Variants in NME7 observed in about 807,000 individuals in gnomAD.
NME7 encodes nucleoside diphosphate kinase 7.
NME7 carries 41 observed loss-of-function variants against 49.1 expected under a neutral mutation model. That is an observed-to-expected ratio of 0.83 (90% CI 0.65 to 1.08). The LOEUF is 1.08. Ranked by LOEUF, NME7 falls within the 50% of genes least tolerant of loss-of-function variation. The pLI, the probability that NME7 is intolerant of heterozygous loss-of-function variation, is 0.00. For missense variants in NME7, 423 were observed against 463.4 expected (o/e 0.91, Z 0.80); for synonymous variants, 139 against 150.6 (o/e 0.92, Z 0.56).
Position 169,132,694 on chromosome 1 carries a change from C to CA in NME7, c.*90dup. ...GATCTTGTATTCAGTCAGGTTAAAACAACGGACAATAAAAGAATGAACACA... is the reference window on the plus strand; with the variant it reads ...GATCTTGTATTCAGTCAGGTTAAAACAAACGGACAATAAAAGAATGAACACA... On this transcript the variant is annotated 3_prime_UTR_variant, in exon 12 of 12. Transcript: ENST00000367811. 1 of 1,250,794 alleles carries CA rather than the reference C, an allele frequency of 8.0e-7. No individual in the cohort carries two copies. Among genetic ancestry groups the CA allele is most frequent in the Admixed American group, 1.9e-5 (1 of 53,910 alleles). 77.5% of individuals were successfully genotyped at this position (1,250,794 alleles called of 1,614,324 possible).
chr1:169,287,516 T>A (rs1459822810), intron 6 of NME7, 108 bp from the exon 7 acceptor site: 1 of 825,384 alleles, frequency 1.2e-6, no homozygotes, highest in Non-Finnish European at 1.8e-6. Flanking sequence ...AGTTTCATCA[T>A]ATAAATTTTT....
chr1:169,363,180 A>G (rs1653723282), intron 1 of NME7, among the ~76,000 whole-genome samples: 1 of 152,168 alleles, frequency 6.6e-6, no homozygotes, highest in African/African-American at 2.4e-5. Flanking sequence ...TTGAGGCTGC[A>G]GTGAGCCATG....
chr1:169,353,037 G>C (rs943536519), intron 1 of NME7, among the ~76,000 whole-genome samples: 2 of 150,150 alleles, frequency 1.3e-5, no homozygotes, highest in African/African-American at 4.8e-5. Context: ...TCAAAGAGTA[G>C]AAATAGAAAA....
chr1:169,252,268 T>C (rs1313344212), intron 7 of NME7, among the ~76,000 whole-genome samples: 1 of 151,780 alleles, frequency 6.6e-6, no homozygotes, highest in Non-Finnish European at 1.5e-5. Context: ...TGGTGTGAGA[T>C]GGTATCTCAT....
chr1:169,302,901 G>GT (rs1156517234), intron 5 of NME7, among the ~76,000 whole-genome samples: 18 of 152,052 alleles, frequency 1.2e-4, no homozygotes, highest in African/African-American at 4.1e-4. Flanking sequence ...TATCCTTCTT[G>GT]TAATGTAAAC....
At position 169,259,022 on chromosome 1, in the gene NME7, A is replaced by G. The variant is rs1337155591; in HGVS notation, c.755-21335T>C. ...GTCTCTGAGAACAACAAAGCATCAC[A>G]ACTACTCCTTTGGCCATGGAAAAGG... is the stretch of plus-strand genomic sequence containing the variant. On this transcript the variant is annotated intron_variant, in intron 7 of 11. Coordinates refer to ENST00000367811, the MANE Select transcript of NME7 (RefSeq NM_013330.5). Among the ~76,000 whole-genome samples, 5 of 134,074 alleles carry G rather than the reference A, an allele frequency of 3.7e-5. 1 individual carries two copies. The East Asian group carries it at 7.9e-4, about 21-fold the overall frequency. 88.0% of individuals were successfully genotyped at this position (134,074 alleles called of 152,430 possible). A position where few individuals can be genotyped will look rare whatever the true frequency, so the allele number is the denominator to read the frequency against.
chr1:169,144,988 A>C (rs191523034), intron 11 of NME7, among the ~76,000 whole-genome samples: 285 of 152,314 alleles, frequency 1.9e-3, no homozygotes, highest in African/African-American at 6.6e-3. Context: ...AAAACGTACC[A>C]TTATGATGAC....
At chr1:169,252,209 C>T (rs1249074534) in intron 7 of NME7, among the ~76,000 whole-genome samples, 1 of 151,616 alleles carries the variant, frequency 6.6e-6, no homozygotes, top group Non-Finnish European at 1.5e-5. Flanking sequence ...TCTCCACATC[C>T]CCTCCAGCAC....
chr1:169,292,259 C>A (rs1023574092), intron 6 of NME7, among the ~76,000 whole-genome samples: 5 of 152,024 alleles, frequency 3.3e-5, no homozygotes, highest in African/African-American at 1.2e-4. Context: ...ATATTGGTGA[C>A]CTTAGGTGTG....
intron 3 of NME7, among the ~76,000 whole-genome samples, chr1:169,315,296 G>A (rs542438653): frequency 1.7e-3 from 237 of 141,978 alleles, no homozygotes; most frequent in Non-Finnish European, 2.5e-3. Flanking sequence ...ATGGAGTCTC[G>A]CTGTGTCACC....
intron 11 of NME7, among the ~76,000 whole-genome samples, chr1:169,156,531 T>A (rs1659081228): frequency 6.6e-6 from 1 of 152,210 alleles, no homozygotes; most frequent in South Asian, 2.1e-4. Flanking sequence ...ACAAAATAAA[T>A]TAATCTAAAA....
At chr1:169,336,790 C>T (rs1407975307) in intron 1 of NME7, among the ~76,000 whole-genome samples, 2 of 149,020 alleles carry the variant, frequency 1.3e-5, no homozygotes, top group African/African-American at 5.0e-5. Flanking sequence ...GTATTTAAAT[C>T]CCTGAGCTAG....
chr1:169,217,836 C>T (rs1331808875), intron 10 of NME7, among the ~76,000 whole-genome samples: 1 of 152,138 alleles, frequency 6.6e-6, no homozygotes, highest in Non-Finnish European at 1.5e-5. Flanking sequence ...ACTTCCTCAC[C>T]TGCCACAGCT....
chr1:169,341,184 G>C (rs865790705), intron 1 of NME7, among the ~76,000 whole-genome samples: 2 of 152,206 alleles, frequency 1.3e-5, no homozygotes, highest in Non-Finnish European at 2.9e-5. Context: ...CCACTGCTCT[G>C]TGTGGCCCTG....
chr1:169,157,773 C>T (rs1403373162), intron 11 of NME7, among the ~76,000 whole-genome samples: 1 of 152,234 alleles, frequency 6.6e-6, no homozygotes, highest in Non-Finnish European at 1.5e-5. Flanking sequence ...GAAAGCAAAA[C>T]AATCCCTTTG....
intron 10 of NME7, among the ~76,000 whole-genome samples, chr1:169,173,557 A>T (rs1464807330): frequency 6.6e-6 from 1 of 152,192 alleles, no homozygotes. Flanking sequence ...CTCTTTAAAA[A>T]AGGTATTGAT....
At chr1:169,219,416 G>A (rs991324894) in intron 10 of NME7, among the ~76,000 whole-genome samples, 4 of 152,108 alleles carry the variant, frequency 2.6e-5, no homozygotes, top group African/African-American at 9.7e-5. Flanking sequence ...TAGGTTCCAC[G>A]CAAATACTAT....
At chr1:169,144,595 G>A (rs961636735) in intron 11 of NME7, among the ~76,000 whole-genome samples, 1 of 152,056 alleles carries the variant, frequency 6.6e-6, no homozygotes, top group African/African-American at 2.4e-5. Context: ...TGTCAATTTC[G>A]ATAACAATTT....
At chr1:169,142,354 AATAAG>A (rs369520675) in intron 11 of NME7, among the ~76,000 whole-genome samples, 64 of 152,338 alleles carry the variant, frequency 4.2e-4, no homozygotes, top group African/African-American at 1.5e-3. Context: ...GCTAAGCCAG[AATAAG>A]ATAAGATGTG....
Sources: allele counts gnomAD v4.1 joint callset (sites outside exome capture counted in the v4.1 genomes callset), GRCh38; gene constraint gnomAD v4.1.1; transcripts MANE v1.5; gene names NCBI Gene and HGNC (gene_info 2026-07-23, HGNC 2026-07-21).